The following PSMC6 variants were observed in gnomAD, a reference collection of about 807,000 sequenced individuals.
The protein encoded by PSMC6 is 26S proteasome regulatory subunit 10B.
Under a neutral mutation model 55.9 loss-of-function variants are expected in PSMC6, and 3 were observed. The observed-to-expected ratio is 0.05, with a 90% CI of 0.02 to 0.14. The LOEUF (loss-of-function observed/expected upper bound fraction) is 0.14, where lower values mean the gene tolerates loss of function less well. Among genes scored for constraint, PSMC6 ranks in the 10% least tolerant of loss-of-function variants. PSMC6 has a pLI of 1.00. For synonymous variants in PSMC6, 137 were observed against 155.9 expected, an observed-to-expected ratio of 0.88 and a Z score of 0.90; for missense variants, 210 against 478.7, an observed-to-expected ratio of 0.44 and a Z score of 5.24.
intron 6 of PSMC6, 67 bp downstream of exon 6, chr14:52,711,591 A>G (rs2041773212): frequency 1.9e-6 from 2 of 1,045,250 alleles, no homozygotes; most frequent in Non-Finnish European, 2.8e-6. Flanking sequence ...GATTCTTAAC[A>G]GGAGAAACAG....
At chr14:52,723,657 C>A in intron 12 of PSMC6, 1 of 285,396 alleles carries the variant, frequency 3.5e-6, no homozygotes, top group Non-Finnish European at 6.2e-6. Flanking sequence ...ATAAGAGTCA[C>A]AGCTTAACAG....
intron 4 of PSMC6, 90 bp downstream of exon 4, chr14:52,708,906 G>A (rs528510333): frequency 2.3e-4 from 351 of 1,556,348 alleles, no homozygotes; most frequent in Non-Finnish European, 2.8e-4. Flanking sequence ...AGCAGGTGGA[G>A]CATTTATGCC....
chr14:52,712,394 A>AAAAAAAAG (rs398025076), intron 6 of PSMC6, among the ~76,000 whole-genome samples: 1 of 151,662 alleles, frequency 6.6e-6, no homozygotes, highest in African/African-American at 2.4e-5. Flanking sequence ...TAAAAAAAAA[A>AAAAAAAAG]GGCAGTTCTC....
At chr14:52,709,128 G>A (rs886410681) in intron 4 of PSMC6, 3 of 227,954 alleles carry the variant, frequency 1.3e-5, no homozygotes, top group African/African-American at 4.7e-5. Context: ...ACTTAAAAGT[G>A]TTAGATATCA....
chr14:52,713,377 C>T lies in PSMC6; in HGVS notation c.442-504C>T, dbSNP rs1370195604. 8.5e-5 allele frequency among the ~76,000 whole-genome samples: 13 copies of T among 152,138 alleles called. 1 individual carries two copies. Among genetic ancestry groups the T allele is most frequent in the Admixed American group, 8.5e-4 (13 of 15,276 alleles). Reference sequence around the variant, plus strand: ...CTTTAAAAGCTGCCGTGGCAAAATGCCAACAGATAAAAATTGTATATACCT... The same window carrying T: ...CTTTAAAAGCTGCCGTGGCAAAATGTCAACAGATAAAAATTGTATATACCT... On this transcript the variant is annotated intron_variant, in intron 6 of 13. Transcript: ENST00000445930.
At chr14:52,719,137 AATGAAAT>A (rs2041862214) in intron 10 of PSMC6, 99 bp downstream of exon 10, 4 of 1,048,182 alleles carry the variant, frequency 3.8e-6, no homozygotes, top group Non-Finnish European at 5.6e-6. Context: ...GAACATTTTA[AATGAAAT>A]ATGAAATTTG....
rs545635031 is a variant in PSMC6, at chr14:52,728,586, A to G, written c.*969A>G. ...TCATCTGGCAATAAAAGCTATAACA[A>G]AGTACACAAAGGAATCATCATTGGG... On this transcript the variant is annotated 3_prime_UTR_variant, in exon 14 of 14. Transcript: ENST00000445930. 6.6e-5 allele frequency: 10 copies of G among 152,344 alleles called. No individual in the cohort carries two copies. Among genetic ancestry groups the G allele is most frequent in the African/African-American group, 2.4e-4 (10 of 41,578 alleles). 9.4% of individuals were successfully genotyped at this position (152,344 alleles called of 1,614,324 possible).
chr14:52,714,865 C>CA (rs373579933), intron 7 of PSMC6, among the ~76,000 whole-genome samples: 28,197 of 65,946 alleles, frequency 0.43, 5,123 homozygotes, highest in Non-Finnish European at 0.5. Flanking sequence ...GACTCCTTCT[C>CA]AAAAAAAAAA....
chr14:52,716,712 C>T (rs2041833587), intron 7 of PSMC6, among the ~76,000 whole-genome samples: 1 of 151,812 alleles, frequency 6.6e-6, no homozygotes, highest in African/African-American at 2.4e-5. Flanking sequence ...GAGATCATGC[C>T]ATTGCACTCC....
At chr14:52,723,173 A>G (rs570852011) in intron 12 of PSMC6, 2 of 152,392 alleles carry the variant, frequency 1.3e-5, no homozygotes, top group East Asian at 1.9e-4. Flanking sequence ...GAAGCTTACA[A>G]TGAACTTAAA....
At chr14:52,713,851 T>A in intron 6 of PSMC6, 30 bp from the exon 7 acceptor site, 1 of 1,445,516 alleles carries the variant, frequency 6.9e-7, no homozygotes, top group Non-Finnish European at 9.6e-7. Context: ...CTTGACTAAC[T>A]TTTTAAGAAA....
chr14:52,709,481 T>G (rs1199791088), intron 4 of PSMC6: 1 of 381,438 alleles, frequency 2.6e-6, no homozygotes, highest in East Asian at 9.4e-5. Context: ...ATAAATCTCC[T>G]ATTAGGATTT....
Position 52,711,558 on chromosome 14 carries a change from C to G in PSMC6, c.441+34C>G, listed in dbSNP as rs373495168. ...TGTGTGCCTTGTTCTCTGAACTTAG[C>G]TAATAAATACTACTAGTTTTAGGAT... On this transcript the variant is annotated intron_variant, in intron 6 of 13. Transcript: ENST00000445930. The G allele has an allele frequency of 3.0e-4, 404 of 1,364,148 alleles. 3 individuals are homozygous for G. The South Asian group carries it at 3.8e-3, about 13-fold the overall frequency. The allele number at this position is 1,364,148 out of a possible 1,614,324, so 84.5% of individuals were successfully genotyped here.
chr14:52,727,614 G>A lies in PSMC6; in HGVS notation c.1167G>A (p.Val389=). ...AGTCTAAATTGGACTACAAACCTGT[G>A]TAATTTACTGTAAGATTTTTGATGG... ...KLESKLDYKP[V] is the part of the protein sequence containing the mutation. The change falls in exon 14 of 14, where the codon GTG becomes GTA. Residue 389 remains valine (V), a synonymous_variant. Coordinates refer to ENST00000445930, the MANE Select transcript of PSMC6 (RefSeq NM_002806.5). 1.9e-6 allele frequency: 3 copies of A among 1,595,698 alleles called. No individual in the cohort carries two copies. Among genetic ancestry groups the A allele is most frequent in the Non-Finnish European group, 2.6e-6 (3 of 1,166,134 alleles).
At chr14:52,713,642 C>G (rs940942455) in intron 6 of PSMC6, among the ~76,000 whole-genome samples, 3 of 151,926 alleles carry the variant, frequency 2.0e-5, no homozygotes, top group Non-Finnish European at 4.4e-5. Context: ...TAACCATCAC[C>G]CCAATCAAGT....
In PSMC6 at chr14:52,718,365, C is replaced by T. The variant is rs1475433120; in HGVS notation, c.715+13C>T. 6.2e-7 allele frequency: 1 copy of T among 1,601,042 alleles called. No individual in the cohort carries two copies. The highest frequency in any genetic ancestry group is 2.2e-5 in the East Asian group (1 of 44,708). Reference sequence around the variant, plus strand: ...ATAGATGCTATTGGTAAGAATAACACCCTTGTTGAAAGTTTTAGGACTTTT... The same window carrying T: ...ATAGATGCTATTGGTAAGAATAACATCCTTGTTGAAAGTTTTAGGACTTTT... On this transcript the variant is annotated intron_variant, in intron 9 of 13. Coordinates refer to ENST00000445930, the MANE Select transcript of PSMC6 (RefSeq NM_002806.5).
chr14:52,727,018 A>ATTTTT (rs66797420), intron 13 of PSMC6, among the ~76,000 whole-genome samples: 3 of 102,166 alleles, frequency 2.9e-5, no homozygotes, highest in African/African-American at 4.0e-5. Context: ...ACCGCTATGG[A>ATTTTT]TTTTTTTTTT....
chr14:52,720,653 G>T (rs1318671219), intron 10 of PSMC6, among the ~76,000 whole-genome samples: 1 of 151,924 alleles, frequency 6.6e-6, no homozygotes, highest in Non-Finnish European at 1.5e-5. Context: ...GCTATTAAAA[G>T]GTACATAATC....
chr14:52,707,544 G>T (rs2041716688), intron 1 of PSMC6: 3 of 495,740 alleles, frequency 6.1e-6, no homozygotes, highest in Middle Eastern at 5.5e-4. Context: ...AAATGAAAAA[G>T]AAGTAGAGGA....
Sources: allele counts gnomAD v4.1 joint callset (sites outside exome capture counted in the v4.1 genomes callset), GRCh38; gene constraint gnomAD v4.1.1; transcripts MANE v1.5; gene names NCBI Gene and HGNC (gene_info 2026-07-23, HGNC 2026-07-21).